PRR16: variants seen among roughly 807,000 people sequenced by gnomAD.
The protein encoded by PRR16 is proline rich 16, also known as protein Largen.
Under a neutral mutation model 18.2 loss-of-function variants are expected in PRR16, and 6 were observed. The observed-to-expected ratio is 0.33, with a 90% CI of 0.18 to 0.65. The LOEUF is 0.65. PRR16 is among the 30% of genes least tolerant of loss of function. The pLI is 0.74. For missense variants in PRR16, 412 were observed against 376.6 expected (o/e 1.09, Z -0.78); for synonymous variants, 151 against 147.8 (o/e 1.02, Z -0.16).
At chr5:120,671,282 C>CT (rs575659987) in intron 1 of PRR16, among the ~76,000 whole-genome samples, 1 of 152,002 alleles carries the variant, frequency 6.6e-6, no homozygotes. Context: ...ATCAGAGTTT[C>CT]TTTTTTTCTT....
chr5:120,626,112 C>A (rs980958081), intron 1 of PRR16, among the ~76,000 whole-genome samples: 5 of 152,032 alleles, frequency 3.3e-5, no homozygotes, highest in African/African-American at 9.7e-5. Flanking sequence ...ACAATTTCCC[C>A]AAGGCTCAGT....
chr5:120,660,892 T>G (rs1756152157), intron 1 of PRR16, among the ~76,000 whole-genome samples: 1 of 152,156 alleles, frequency 6.6e-6, no homozygotes, highest in Admixed American at 6.6e-5. Flanking sequence ...GATCCTATGG[T>G]GTCAAGTATA....
chr5:120,707,715 TAA>T, the PRR16 span, among the ~76,000 whole-genome samples: 1 of 152,216 alleles, frequency 6.6e-6, no homozygotes, highest in African/African-American at 2.4e-5. Context: ...ACTCAAGAGT[TAA>T]GACACTATTT....
chr5:120,464,399 G>A lies in PRR16; in HGVS notation c.-88G>A. The A allele has an allele frequency of 1.4e-6, 2 of 1,411,272 alleles. No individual in the cohort carries two copies. The highest frequency in any genetic ancestry group is 1.9e-6 in the Non-Finnish European group (2 of 1,065,084). The allele number at this position is 1,411,272 out of a possible 1,614,324, so 87.4% of individuals were successfully genotyped here. On this transcript the variant is annotated 5_prime_UTR_variant, in exon 1 of 2. Coordinates refer to ENST00000407149, the MANE Select transcript of PRR16 (RefSeq NM_001300783.2). The stretch of plus-strand genomic sequence containing the variant: ...CCCAAGATGTGGGGGGACCGGGGCG[G>A]CAGCGGCCGTAGCAGCGCCAGGGAC...
intron 1 of PRR16, among the ~76,000 whole-genome samples, chr5:120,591,143 G>T (rs991444831): frequency 6.6e-6 from 1 of 151,942 alleles, no homozygotes. Context: ...GCCGGGTGTG[G>T]TGGTGGGCGC....
At chr5:120,628,629 C>T (rs2122190) in intron 1 of PRR16, among the ~76,000 whole-genome samples, 121,210 of 151,586 alleles carry the variant, frequency 0.8, 49,379 homozygotes, top group East Asian at 0.94. Context: ...ATTTTCTACT[C>T]ATCTCTCTAT....
At chr5:120,725,416 G>A in the PRR16 span, among the ~76,000 whole-genome samples, 9 of 151,316 alleles carry the variant, frequency 5.9e-5, no homozygotes, top group African/African-American at 1.7e-4. Context: ...AGTGCTTTGC[G>A]AGTCCAAGGC....
intron 1 of PRR16, among the ~76,000 whole-genome samples, chr5:120,533,489 GA>G (rs1561534427): frequency 1.3e-5 from 2 of 152,176 alleles, no homozygotes; most frequent in African/African-American, 2.4e-5. Context: ...AGTGCTAAGG[GA>G]GGGGTAGGGA....
intron 1 of PRR16, among the ~76,000 whole-genome samples, chr5:120,653,855 A>G (rs1292834457): frequency 1.3e-5 from 2 of 152,000 alleles, no homozygotes; most frequent in African/African-American, 4.8e-5. Context: ...AAAGTGAGTA[A>G]TGCCTTAGCT....
At chr5:120,733,411 A>C in the PRR16 span, among the ~76,000 whole-genome samples, 6 of 152,084 alleles carry the variant, frequency 3.9e-5, no homozygotes, top group Admixed American at 6.6e-5. Flanking sequence ...TAACATCTCA[A>C]ATTGTGTATT....
intron 1 of PRR16, among the ~76,000 whole-genome samples, chr5:120,479,636 G>T (rs888623943): frequency 6.6e-6 from 1 of 151,792 alleles, no homozygotes; most frequent in African/African-American, 2.4e-5. Flanking sequence ...TATACTATTG[G>T]CATTTAATAT....
At chr5:120,658,176 A>G (rs1313616594) in intron 1 of PRR16, 4 of 151,954 alleles carry the variant, frequency 2.6e-5, no homozygotes, top group Admixed American at 2.0e-4. Flanking sequence ...TTTTTCTGCA[A>G]CAATATGTGA....
intron 1 of PRR16, among the ~76,000 whole-genome samples, chr5:120,470,787 G>C (rs1749242211): frequency 6.6e-6 from 1 of 152,076 alleles, no homozygotes; most frequent in South Asian, 2.1e-4. Context: ...GAAATCTGAG[G>C]TCCGAGATAG....
intron 1 of PRR16, among the ~76,000 whole-genome samples, chr5:120,613,266 C>G (rs1323853746): frequency 6.6e-6 from 1 of 151,794 alleles, no homozygotes; most frequent in Non-Finnish European, 1.5e-5. Flanking sequence ...ATAATTCAAA[C>G]CAGAATTGGT....
intron 1 of PRR16, among the ~76,000 whole-genome samples, chr5:120,602,008 C>G (rs907693259): frequency 1.3e-5 from 2 of 151,818 alleles, no homozygotes; most frequent in Non-Finnish European, 2.9e-5. Context: ...GATGGCCCAG[C>G]CTGGTACTTT....
In PRR16 at chr5:120,488,480, C is replaced by T. The variant is rs181100916; in HGVS notation, c.159+23835C>T. ...TCTGACGGTAGTTTGTATTTCTGTGCGATTGGTGGTGATATCCCATTTATC... is the reference window on the plus strand; with the variant it reads ...TCTGACGGTAGTTTGTATTTCTGTGTGATTGGTGGTGATATCCCATTTATC... On this transcript the variant is annotated intron_variant, in intron 1 of 1. Coordinates refer to ENST00000407149, the MANE Select transcript of PRR16 (RefSeq NM_001300783.2). 3.0e-3 allele frequency among the ~76,000 whole-genome samples: 454 copies of T among 152,034 alleles called. 1 individual carries two copies. Among genetic ancestry groups the T allele is most frequent in the Middle Eastern group, 0.014 (4 of 294 alleles).
At chr5:120,488,456 C>G (rs1749897291) in intron 1 of PRR16, among the ~76,000 whole-genome samples, 1 of 152,176 alleles carries the variant, frequency 6.6e-6, no homozygotes, top group Non-Finnish European at 1.5e-5. Flanking sequence ...ATAGTATTCT[C>G]TGACGGTAGT....
At chr5:120,492,781 G>T (rs575675253) in intron 1 of PRR16, among the ~76,000 whole-genome samples, 1 of 152,090 alleles carries the variant, frequency 6.6e-6, no homozygotes, top group Non-Finnish European at 1.5e-5. Context: ...TCATAGCTTA[G>T]ATCCCAGTTA....
the PRR16 span, among the ~76,000 whole-genome samples, chr5:120,785,738 G>C: frequency 6.6e-6 from 1 of 151,056 alleles, no homozygotes; most frequent in Non-Finnish European, 1.5e-5. Flanking sequence ...TGCCTGGCTA[G>C]TTTTTGTATT....
Sources: allele counts gnomAD v4.1 joint callset (sites outside exome capture counted in the v4.1 genomes callset), GRCh38; gene constraint gnomAD v4.1.1; transcripts MANE v1.5; gene names NCBI Gene and HGNC (gene_info 2026-07-23, HGNC 2026-07-21).